TMTC2: variants seen among roughly 807,000 people sequenced by gnomAD.
The protein encoded by TMTC2 is protein O-mannosyl-transferase TMTC2.
In TMTC2, 43 loss-of-function variants were observed where a neutral mutation model predicts 82.4. The ratio of observed to expected loss-of-function variants is 0.52; its 90% CI spans 0.41 to 0.67. The LOEUF (loss-of-function observed/expected upper bound fraction) is 0.67, where lower values mean the gene tolerates loss of function less well. Ranked by LOEUF, TMTC2 falls within the 30% of genes least tolerant of loss-of-function variation. TMTC2 has a pLI of 0.00. For synonymous variants in TMTC2, 408 were observed against 381.9 expected (o/e 1.07, Z -0.80); for missense variants, 919 against 1,012.4 (o/e 0.91, Z 1.25).
At chr12:82,719,716 C>T (rs964679731) in intron 1 of TMTC2, among the ~76,000 whole-genome samples, 1 of 129,710 alleles carries the variant, frequency 7.7e-6, no homozygotes, top group Non-Finnish European at 1.6e-5. Flanking sequence ...GGGTAAAGAG[C>T]ACAGTTTTGG....
intron 1 of TMTC2, among the ~76,000 whole-genome samples, chr12:82,743,756 C>T (rs2136956789): frequency 6.6e-6 from 1 of 152,238 alleles, no homozygotes; most frequent in East Asian, 1.9e-4. Context: ...CAAATAAATG[C>T]CTTTCTGATA....
chr12:82,841,322 C>G (rs538079817), intron 1 of TMTC2, among the ~76,000 whole-genome samples: 1 of 152,140 alleles, frequency 6.6e-6, no homozygotes, highest in South Asian at 2.1e-4. Flanking sequence ...GAAAGTACTA[C>G]AGTATATATT....
At chr12:83,063,021 A>C (rs1882797393) in intron 11 of TMTC2, among the ~76,000 whole-genome samples, 1 of 151,902 alleles carries the variant, frequency 6.6e-6, no homozygotes, top group South Asian at 2.1e-4. Flanking sequence ...AAAGCATACA[A>C]ATGTATTTAA....
chr12:82,777,890 C>A (rs1444964967), intron 1 of TMTC2, among the ~76,000 whole-genome samples: 1 of 152,036 alleles, frequency 6.6e-6, no homozygotes, highest in African/African-American at 2.4e-5. Flanking sequence ...TCTCTTTCTG[C>A]CTGCCCAGAT....
chr12:83,036,595 A>G (rs1172513605), intron 9 of TMTC2, among the ~76,000 whole-genome samples: 1 of 151,888 alleles, frequency 6.6e-6, no homozygotes, highest in Non-Finnish European at 1.5e-5. Context: ...TATTTCAGAA[A>G]TGTTCAATGT....
In TMTC2 at chr12:82,910,418, G is replaced by C. The variant is rs184107782; in HGVS notation, c.1483+13772G>C. ...GCTCCAACCCCACGGCAGTGCCTAGGGGGTGAATGTTTACAGCTACTGAAG... is the reference window on the plus strand; with the variant it reads ...GCTCCAACCCCACGGCAGTGCCTAGCGGGTGAATGTTTACAGCTACTGAAG... On this transcript the variant is annotated intron_variant, in intron 3 of 11. Transcript: ENST00000321196. Among the ~76,000 whole-genome samples, 670 of 152,284 alleles carry C rather than the reference G, an allele frequency of 4.4e-3. 1 individual carries two copies. Among genetic ancestry groups the C allele is most frequent in the Non-Finnish European group, 6.1e-3 (415 of 68,038 alleles).
At chr12:83,022,102 A>C (rs1880958138) in intron 8 of TMTC2, 1 of 95,980 alleles carries the variant, frequency 1.0e-5, no homozygotes, top group Non-Finnish European at 2.5e-5. Context: ...TACCAAAAAA[A>C]AAAGAAGAAG....
intron 1 of TMTC2, chr12:82,759,834 T>C (rs1876515488): frequency 1.3e-5 from 2 of 152,230 alleles, no homozygotes; most frequent in East Asian, 3.8e-4. Context: ...GCCTATGGGT[T>C]AGAAACCCAG....
chr12:82,913,140 C>T (rs1212604436), intron 3 of TMTC2, among the ~76,000 whole-genome samples: 1 of 152,032 alleles, frequency 6.6e-6, no homozygotes, highest in East Asian at 1.9e-4. Context: ...TCTTGAAATG[C>T]TATTATTTGG....
intron 3 of TMTC2, among the ~76,000 whole-genome samples, chr12:82,927,211 A>C (rs527896018): frequency 6.6e-6 from 1 of 152,320 alleles, no homozygotes; most frequent in East Asian, 1.9e-4. Flanking sequence ...TCATGGAATG[A>C]AGTCAGAATA....
At chr12:82,836,545 G>C (rs1019108446) in intron 1 of TMTC2, among the ~76,000 whole-genome samples, 2 of 152,152 alleles carry the variant, frequency 1.3e-5, no homozygotes, top group Admixed American at 6.6e-5. Flanking sequence ...AGCCGGAAAA[G>C]GCAAGGAACT....
intron 11 of TMTC2, among the ~76,000 whole-genome samples, chr12:83,075,623 G>A (rs1033018729): frequency 1.3e-5 from 2 of 152,140 alleles, no homozygotes; most frequent in African/African-American, 4.8e-5. Context: ...TTCTACTTCA[G>A]TTCATAGATA....
chr12:83,055,226 G>C (rs1348255975), intron 10 of TMTC2, among the ~76,000 whole-genome samples: 1 of 152,034 alleles, frequency 6.6e-6, no homozygotes. Context: ...ACTGAGTCCT[G>C]TGCTAAACGA....
intron 1 of TMTC2, among the ~76,000 whole-genome samples, chr12:82,704,552 C>T (rs974485093): frequency 1.3e-5 from 2 of 151,606 alleles, no homozygotes; most frequent in African/African-American, 4.8e-5. Flanking sequence ...TAGAAACAGG[C>T]ATAAGTAACT....
At chr12:82,927,352 G>A (rs987552842) in intron 3 of TMTC2, among the ~76,000 whole-genome samples, 8 of 152,172 alleles carry the variant, frequency 5.3e-5, no homozygotes, top group Admixed American at 3.9e-4. Flanking sequence ...TTAGAAGTGG[G>A]CCTAAAGATG....
chr12:82,710,220 CAATT>C (rs2136911809), intron 1 of TMTC2, among the ~76,000 whole-genome samples: 1 of 152,320 alleles, frequency 6.6e-6, no homozygotes, highest in African/African-American at 2.4e-5. Context: ...GCTACTCGAT[CAATT>C]GAGACACAGT....
intron 8 of TMTC2, among the ~76,000 whole-genome samples, chr12:82,995,033 C>T (rs1879553571): frequency 6.6e-6 from 1 of 151,876 alleles, no homozygotes; most frequent in African/African-American, 2.4e-5. Flanking sequence ...CTTTCTGCTA[C>T]ATCATATTGA....
intron 1 of TMTC2, among the ~76,000 whole-genome samples, chr12:82,813,461 G>A (rs1868516350): frequency 6.6e-6 from 1 of 151,982 alleles, no homozygotes; most frequent in Admixed American, 6.6e-5. Context: ...CCTTTGTTCA[G>A]GAGTTTCTTA....
At chr12:83,051,053 G>C (rs140367143) in intron 10 of TMTC2, 35 bp downstream of exon 10, 1 of 1,468,972 alleles carries the variant, frequency 6.8e-7, no homozygotes, top group East Asian at 2.3e-5. Context: ...CAAAGCCTAG[G>C]CTTTGAGAGG....
Sources: allele counts gnomAD v4.1 joint callset (sites outside exome capture counted in the v4.1 genomes callset), GRCh38; gene constraint gnomAD v4.1.1; transcripts MANE v1.5; gene names NCBI Gene and HGNC (gene_info 2026-07-23, HGNC 2026-07-21).